The following LRWD1 variants were observed in gnomAD, a reference collection of about 807,000 sequenced individuals.
The protein encoded by LRWD1 is leucine rich repeats and WD repeat domain containing 1.
In LRWD1, 76 loss-of-function variants were observed where a neutral mutation model predicts 75.6. The observed-to-expected ratio is 1.01, with a 90% CI of 0.84 to 1.22. The LOEUF is 1.22. Ranked by LOEUF, LRWD1 falls within the 50% of genes most tolerant of loss-of-function variation. The probability of loss-of-function intolerance (pLI) is 0.00; values close to 1 mark genes in which losing one functional copy is unlikely to be tolerated. For synonymous variants in LRWD1, 487 were observed against 377.0 expected (o/e 1.29, Z -3.38); for missense variants, 917 against 862.0 (o/e 1.06, Z -0.80).
At chr7:102,467,590 T>A in intron 4 of LRWD1, 111 bp downstream of exon 4, 1 of 1,523,942 alleles carries the variant, frequency 6.6e-7, no homozygotes, top group Non-Finnish European at 8.9e-7. Flanking sequence ...TGAGTCAGGG[T>A]GGGCAGCCCT....
chr7:102,470,086 G>A, intron 11 of LRWD1: 1 of 642,954 alleles, frequency 1.6e-6, no homozygotes, highest in East Asian at 3.1e-5. Flanking sequence ...GGGTTCAGCT[G>A]TGGGACTGGG....
Position 102,472,962 on chromosome 7 carries a change from G to A in LRWD1, c.1857G>A (p.Met619Ile). The change falls in exon 15 of 15, where the codon ATG (methionine) becomes ATA (isoleucine). Residue 619 changes from methionine to isoleucine, a missense_variant. Met to Ile is a conservative substitution (Grantham distance 10). Transcript: ENST00000292616. Reference sequence around the variant, plus strand: ...TTGGCCAGGTGGTGACCAAGACCATGGTGAACACAGTGGTGGCCAATGCCT... The same window carrying A: ...TTGGCCAGGTGGTGACCAAGACCATAGTGAACACAGTGGTGGCCAATGCCT... ...WALGQVVTKT[M>I]VNTVVANASF... 1 of 1,614,030 alleles carries A rather than the reference G, an allele frequency of 6.2e-7. No homozygotes were observed. The highest frequency in any genetic ancestry group is 8.5e-7 in the Non-Finnish European group (1 of 1,179,990).
At chr7:102,465,342 C>A (rs533306289) in intron 1 of LRWD1, among the ~76,000 whole-genome samples, 182 bp downstream of exon 1, 235 of 152,296 alleles carry the variant, frequency 1.5e-3, no homozygotes, top group African/African-American at 5.4e-3. Flanking sequence ...CCCGAGGGGC[C>A]TCATCCCCTG....
At chr7:102,471,917 G>T in intron 11 of LRWD1, 4 of 347,624 alleles carry the variant, frequency 1.2e-5, no homozygotes, top group South Asian at 1.1e-4. Flanking sequence ...TCTCACACTC[G>T]GTCCCAGAGG....
At position 102,472,535 on chromosome 7, in the gene LRWD1, T is replaced by TG; in HGVS notation, c.1618dup (p.Ala540GlyfsTer25). On this transcript the variant is annotated frameshift_variant, in exon 13 of 15. Coordinates refer to ENST00000292616, the MANE Select transcript of LRWD1 (RefSeq NM_152892.3). LOFTEE classifies it high-confidence loss of function. ...GGGGGCCGGGGCAGCCAGTCCACGG[T>TG]GGCAGTGGTGGTCCTGGCGCGGCTG... The TG allele has an allele frequency of 6.3e-7, 1 of 1,584,732 alleles. No homozygotes were observed. Among genetic ancestry groups the TG allele is most frequent in the Non-Finnish European group, 8.6e-7 (1 of 1,166,970 alleles).
chr7:102,469,869 C>A lies in LRWD1; in HGVS notation c.1429C>A (p.Pro477Thr), dbSNP rs370868394. The change falls in exon 11 of 15, where the codon CCC (proline) becomes ACC (threonine). Residue 477 changes from proline (P) to threonine (T), a missense_variant. Pro to Thr is a conservative substitution (Grantham distance 38). Transcript: ENST00000292616. Reference sequence around the variant, plus strand: ...CTGCTGGGACGTGCGGCTGGACCAGCCCCAAAAGAGGAGGTGAGGCTGGGC... The same window carrying A: ...CTGCTGGGACGTGCGGCTGGACCAGACCCAAAAGAGGAGGTGAGGCTGGGC... The part of the protein sequence containing the change: ...CCCWDVRLDQ[P>T]QKRRVCEVEF... 1 of 1,572,538 alleles carries A rather than the reference C, an allele frequency of 6.4e-7. No homozygotes were observed.
chr7:102,472,641 C>A (rs754949398), intron 13 of LRWD1, 32 bp downstream of exon 13: 2 of 1,610,298 alleles, frequency 1.2e-6, no homozygotes, highest in South Asian at 2.2e-5. Context: ...CCCCATCCCG[C>A]GGGCTTCCGG....
At chr7:102,467,596 G>A (rs1004028776) in intron 4 of LRWD1, 117 bp downstream of exon 4, 1 of 1,518,882 alleles carries the variant, frequency 6.6e-7, no homozygotes, top group Non-Finnish European at 8.9e-7. Flanking sequence ...AGGGTGGGCA[G>A]CCCTGTTGGC....
rs368768465 is a variant in LRWD1, at chr7:102,469,690, A to G, written c.1301+44A>G. ...CTGGGGAGTGGCCAGCTGCTGGGGC[A>G]GGGACACCTCGGTCTGGGTCTGATG... On this transcript the variant is annotated intron_variant, in intron 10 of 14. Coordinates refer to ENST00000292616, the MANE Select transcript of LRWD1 (RefSeq NM_152892.3). 1.9e-6 allele frequency: 3 copies of G among 1,613,762 alleles called. No homozygotes were observed. In the African/African-American group the frequency reaches 4.0e-5, roughly 22 times the overall value.
Position 102,465,988 on chromosome 7 carries a change from T to TA in LRWD1, c.253dup (p.Thr85AsnfsTer24). The TA allele has an allele frequency of 6.2e-7, 1 of 1,614,028 alleles. No homozygotes were observed. The highest frequency in any genetic ancestry group is 8.5e-7 in the Non-Finnish European group (1 of 1,180,026). ...GCGCCAACAACCAGCTGGGGGATGTTACTGCCTTGTGCCAGTTCCCCAAGC... is the reference window on the plus strand; with the variant it reads ...GCGCCAACAACCAGCTGGGGGATGTTAACTGCCTTGTGCCAGTTCCCCAAGC... On this transcript the variant is annotated frameshift_variant, in exon 2 of 15. Transcript: ENST00000292616. LOFTEE classifies it high-confidence loss of function.
At chr7:102,470,699 A>C (rs1274682660) in intron 11 of LRWD1, 1 of 152,328 alleles carries the variant, frequency 6.6e-6, no homozygotes, top group Non-Finnish European at 1.5e-5. Context: ...GCCCAGAACA[A>C]GGTGGCAAGG....
chr7:102,470,954 G>A (rs1319784150), intron 11 of LRWD1: 1 of 152,322 alleles, frequency 6.6e-6, no homozygotes, highest in African/African-American at 2.4e-5. Flanking sequence ...TTGAGATGGA[G>A]TTTCACTCTT....
At position 102,467,172 on chromosome 7, in the gene LRWD1, G is replaced by GTGTGTA. The variant is rs1798028003; in HGVS notation, c.433-162_433-161insATGTGT. On this transcript the variant is annotated intron_variant, in intron 3 of 14. Transcript: ENST00000292616. ...GGGTTGTTGCTGGGGTGTGTGTGGG[G>GTGTGTA]TGTGTGTGTGTGTGTGTGTGTGTGT... Among the ~76,000 whole-genome samples, 42 of 23,548 alleles carry GTGTGTA rather than the reference G, an allele frequency of 1.8e-3. 1 individual carries two copies. The highest frequency in any genetic ancestry group is 7.3e-3 in the African/African-American group (41 of 5,632). The allele number at this position is 23,548 out of a possible 152,430, so 15.4% of individuals were successfully genotyped here. A position where few individuals can be genotyped will look rare whatever the true frequency, so the allele number is the denominator to read the frequency against.
Position 102,472,729 on chromosome 7 carries a change from C to T in LRWD1, c.1728C>T (p.Asn576=), listed in dbSNP as rs1798246471. 3.1e-6 allele frequency: 5 copies of T among 1,613,544 alleles called. No individual in the cohort carries two copies. Among genetic ancestry groups the T allele is most frequent in the African/African-American group, 1.3e-5 (1 of 75,066 alleles). The change falls in exon 14 of 15, where the codon AAC becomes AAT. Residue 576 remains asparagine, a synonymous_variant. Transcript: ENST00000292616. ...TGCTCTGTGGGGATGAGGAGGGCAA[C>T]GTGTGGCTCTACGACGTCAGCAACA... ...GIVLCGDEEG[N]VWLYDVSNIL...
In LRWD1 at chr7:102,468,199, T is replaced by G; in HGVS notation, c.804+12T>G. 1.9e-6 allele frequency: 3 copies of G among 1,604,544 alleles called. No individual in the cohort carries two copies. Among genetic ancestry groups the G allele is most frequent in the Non-Finnish European group, 2.5e-6 (3 of 1,176,730 alleles). On this transcript the variant is annotated intron_variant, in intron 6 of 14. Transcript: ENST00000292616. ...CCGATGGCAGCCAGGTGAGCTGAGG[T>G]GGCAAGGAGCAGGTGGCAGATGAGT... is the stretch of plus-strand genomic sequence containing the variant.
Position 102,465,862 on chromosome 7 carries a change from C to T in LRWD1, c.126C>T (p.Leu42=), listed in dbSNP as rs550399566. 11 of 1,613,384 alleles carry T rather than the reference C, an allele frequency of 6.8e-6. No homozygotes were observed. The highest frequency in any genetic ancestry group is 9.3e-6 in the Non-Finnish European group (11 of 1,180,028). Residue 42 remains leucine, a synonymous_variant, in exon 2 of 15, where the codon CTC becomes CTT. Coordinates refer to ENST00000292616, the MANE Select transcript of LRWD1 (RefSeq NM_152892.3). ...ELLSEHLDPK[L]LCRLTQLQEL... Reference sequence around the variant, plus strand: ...TTTCCGAGCACCTGGACCCCAAACTCCTGTGCCGCCTGACGCAGCTGCAGG... The same window carrying T: ...TTTCCGAGCACCTGGACCCCAAACTTCTGTGCCGCCTGACGCAGCTGCAGG...
intron 14 of LRWD1, 45 bp from the exon 15 acceptor site, chr7:102,472,864 T>G (rs1273800714): frequency 6.2e-7 from 1 of 1,611,628 alleles, no homozygotes; most frequent in East Asian, 2.2e-5. Flanking sequence ...GCCCTGCCTT[T>G]GGTCAGCAGG....
rs867907415 is a variant in LRWD1 at position 102,465,117 on chromosome 7, G to T, written c.37G>T (p.Gly13Trp). The change falls in exon 1 of 15, where the codon GGG becomes TGG. Residue 13 changes from glycine to tryptophan, a missense_variant. Coordinates refer to ENST00000292616, the MANE Select transcript of LRWD1 (RefSeq NM_152892.3). ...CTCGGCGCGGCTGCTAATGCAGCGC[G>T]GGCGCCCCAAGAGCGACCGGCTGGG... ...PLSARLLMQR[G>W]RPKSDRLGKI... 1.3e-6 allele frequency: 2 copies of T among 1,514,594 alleles called. No homozygotes were observed. The allele number at this position is 1,514,594 out of a possible 1,614,324, so 93.8% of individuals were successfully genotyped here.
rs560973225 is a variant in LRWD1, at chr7:102,467,461, C to T, written c.555C>T (p.Ser185=). ...TCCGCTACGGGCCCGAGTCCCTCAG[C>T]GAGTTCACCCAGTGGCGGGTATGTC... ...RDVRYGPESL[S]EFTQWRVRMI... Residue 185 remains serine (S), a synonymous_variant, in exon 4 of 15, where the codon AGC becomes AGT. Coordinates refer to ENST00000292616, the MANE Select transcript of LRWD1 (RefSeq NM_152892.3). 22 of 1,613,616 alleles carry T rather than the reference C, an allele frequency of 1.4e-5. 1 individual carries two copies. The South Asian group carries it at 1.4e-4, about 10-fold the overall frequency.
Sources: allele counts gnomAD v4.1 joint callset (sites outside exome capture counted in the v4.1 genomes callset), GRCh38; gene constraint gnomAD v4.1.1; transcripts MANE v1.5; gene names NCBI Gene and HGNC (gene_info 2026-07-23, HGNC 2026-07-21).